The following PRKCI variants were observed in gnomAD, a reference collection of about 807,000 sequenced individuals.
PRKCI encodes protein kinase C iota, also known as protein kinase C iota type.
A neutral mutation model predicts 84.0 loss-of-function variants in PRKCI; 43 were observed. That is an observed-to-expected ratio of 0.51 (90% confidence interval 0.40 to 0.66). The LOEUF (loss-of-function observed/expected upper bound fraction) is 0.66, where lower values mean the gene tolerates loss of function less well. Ranked by LOEUF, PRKCI falls within the 30% of genes least tolerant of loss-of-function variation. The pLI is 0.00. For missense variants in PRKCI, 459 were observed against 745.6 expected (o/e 0.62, Z 4.48); for synonymous variants, 216 against 234.4 (o/e 0.92, Z 0.72).
chr3:170,285,492 C>T (rs964422539), intron 12 of PRKCI, among the ~76,000 whole-genome samples: 1 of 152,154 alleles, frequency 6.6e-6, no homozygotes, highest in Non-Finnish European at 1.5e-5. Context: ...CAAAATTATC[C>T]TCACATAGCA....
At chr3:170,272,581 A>G (rs2108854728) in intron 6 of PRKCI, among the ~76,000 whole-genome samples, 1 of 152,304 alleles carries the variant, frequency 6.6e-6, no homozygotes, top group Non-Finnish European at 1.5e-5. Context: ...GGGCAGGGTT[A>G]GTGATTATAT....
intron 2 of PRKCI, among the ~76,000 whole-genome samples, chr3:170,242,601 A>G (rs1733163208): frequency 6.6e-6 from 1 of 150,864 alleles, no homozygotes; most frequent in South Asian, 2.1e-4. Flanking sequence ...CTTATACATT[A>G]TGAATTATTA....
At chr3:170,234,031 CTT>C (rs386398519) in intron 1 of PRKCI, among the ~76,000 whole-genome samples, 24 of 93,362 alleles carry the variant, frequency 2.6e-4, no homozygotes, top group South Asian at 1.1e-3. Context: ...TATACTTACA[CTT>C]TTTTTTTTTT....
At chr3:170,300,683 A>ATTTTTTTTTTTTTTT in intron 17 of PRKCI, among the ~76,000 whole-genome samples, 1 of 138,338 alleles carries the variant, frequency 7.2e-6, no homozygotes, top group Non-Finnish European at 1.6e-5. Context: ...ATTGTCTTGA[A>ATTTTTTTTTTTTTTT]TTTTTTTTTT....
In PRKCI at chr3:170,297,009, G is replaced by A. The variant is rs111902224; in HGVS notation, c.1498-295G>A. On this transcript the variant is annotated intron_variant, in intron 15 of 17. Coordinates refer to ENST00000295797, the MANE Select transcript of PRKCI (RefSeq NM_002740.6). ...TCACACTAGGTCATGCAAAGAAATGGCTGGGTGCTGTCAAATGATTCTGCT... is the reference window on the plus strand; with the variant it reads ...TCACACTAGGTCATGCAAAGAAATGACTGGGTGCTGTCAAATGATTCTGCT... 5.3e-3 allele frequency among the ~76,000 whole-genome samples: 811 copies of A among 152,272 alleles called. 7 individuals carry two copies. The highest frequency in any genetic ancestry group is 0.019 in the African/African-American group (787 of 41,554).
chr3:170,269,499 C>CA (rs1396242529), intron 5 of PRKCI, among the ~76,000 whole-genome samples: 1 of 151,794 alleles, frequency 6.6e-6, no homozygotes, highest in East Asian at 1.9e-4. Flanking sequence ...CCCATCTCTA[C>CA]AAAAAATACA....
intron 17 of PRKCI, 24 bp from the exon 18 acceptor site, chr3:170,303,016 A>C (rs754448809): frequency 1.3e-6 from 2 of 1,528,188 alleles, no homozygotes; most frequent in South Asian, 2.3e-5. Flanking sequence ...TATGATGAAA[A>C]TAAATTTATT....
At chr3:170,275,324 G>A in intron 8 of PRKCI, 37 bp downstream of exon 8, 2 of 1,562,456 alleles carry the variant, frequency 1.3e-6, no homozygotes, top group Non-Finnish European at 1.7e-6. Context: ...TATATCATTA[G>A]CTTTTTAATA....
Position 170,284,467 on chromosome 3 carries a change from C to T in PRKCI, c.1074C>T (p.Tyr358=). ...RKLPEEHARF[Y]SAEISLALNY... Reference sequence around the variant, plus strand: ...ATTTTTTATTTAATTTTAGATTTTACTCTGCAGAAATCAGTCTAGCATTAA... The same window carrying T: ...ATTTTTTATTTAATTTTAGATTTTATTCTGCAGAAATCAGTCTAGCATTAA... Residue 358 remains tyrosine (Y), a synonymous_variant, in exon 12 of 18, where the codon TAC becomes TAT. Coordinates refer to ENST00000295797, the MANE Select transcript of PRKCI (RefSeq NM_002740.6). 6.4e-7 allele frequency: 1 copy of T among 1,565,436 alleles called. No homozygotes were observed. The highest frequency in any genetic ancestry group is 8.7e-7 in the Non-Finnish European group (1 of 1,147,046).
chr3:170,265,208 A>G (rs1407476759), intron 4 of PRKCI, among the ~76,000 whole-genome samples: 1 of 151,996 alleles, frequency 6.6e-6, no homozygotes, highest in Non-Finnish European at 1.5e-5. Context: ...AAAAAGAAAA[A>G]AACTGCACTC....
chr3:170,290,072 CAA>C (rs34466537), intron 12 of PRKCI, among the ~76,000 whole-genome samples: 16 of 126,418 alleles, frequency 1.3e-4, no homozygotes, highest in Admixed American at 1.6e-4. Context: ...AACTCGGTCT[CAA>C]AAAAAAAAAA....
intron 1 of PRKCI, among the ~76,000 whole-genome samples, chr3:170,227,405 G>A (rs1357862998): frequency 2.0e-5 from 3 of 152,192 alleles, no homozygotes; most frequent in Non-Finnish European, 4.4e-5. Context: ...GGACATATAA[G>A]AGTTACAATA....
chr3:170,293,159 GTT>G (rs558859854), intron 13 of PRKCI, among the ~76,000 whole-genome samples: 1 of 150,844 alleles, frequency 6.6e-6, no homozygotes. Context: ...GAGAAAGAAA[GTT>G]TTTTTTTCTC....
chr3:170,275,330 T>C, intron 8 of PRKCI, 43 bp downstream of exon 8: 1 of 1,559,688 alleles, frequency 6.4e-7, no homozygotes, highest in Non-Finnish European at 8.7e-7. Context: ...ATTAGCTTTT[T>C]AATAAGGCTC....
rs574500845 is a variant in PRKCI, at chr3:170,296,825, T to A, written c.1498-479T>A. 1.6e-4 allele frequency among the ~76,000 whole-genome samples: 24 copies of A among 152,306 alleles called. No individual in the cohort carries two copies. The Middle Eastern group carries it at 0.01, about 65-fold the overall frequency. ...TTCATAGTGATGAATAAGCCAAGACTTTTTATAAGTTGCAGGCTCCTCAGT... is the reference window on the plus strand; with the variant it reads ...TTCATAGTGATGAATAAGCCAAGACATTTTATAAGTTGCAGGCTCCTCAGT... On this transcript the variant is annotated intron_variant, in intron 15 of 17. Transcript: ENST00000295797.
Position 170,222,607 on chromosome 3 carries a change from C to A in PRKCI, c.-63C>A. 7.1e-7 allele frequency: 1 copy of A among 1,410,120 alleles called. No individual in the cohort carries two copies. The highest frequency in any genetic ancestry group is 2.8e-5 in the East Asian group (1 of 35,166). 87.4% of individuals were successfully genotyped at this position (1,410,120 alleles called of 1,614,324 possible). The stretch of plus-strand genomic sequence containing the variant: ...GGCAAGCGCAGGCGGCGGAGTCCCC[C>A]ACGGCGCCCGAAGCGCCCCCCCGCA... On this transcript the variant is annotated 5_prime_UTR_variant, in exon 1 of 18. Transcript: ENST00000295797.
chr3:170,289,125 G>T (rs759280681), intron 12 of PRKCI, among the ~76,000 whole-genome samples: 2 of 152,136 alleles, frequency 1.3e-5, no homozygotes, highest in Non-Finnish European at 2.9e-5. Context: ...GTCAACAAGT[G>T]AATGATTAAG....
chr3:170,256,894 A>C (rs1733595570), intron 2 of PRKCI, among the ~76,000 whole-genome samples: 1 of 151,702 alleles, frequency 6.6e-6, no homozygotes, highest in Admixed American at 6.6e-5. Flanking sequence ...TTTTTCAAGA[A>C]ATTTTTCAAT....
chr3:170,271,245 T>G (rs1025982027), intron 6 of PRKCI, among the ~76,000 whole-genome samples: 1 of 152,102 alleles, frequency 6.6e-6, no homozygotes, highest in African/African-American at 2.4e-5. Context: ...GAACTCCCAT[T>G]TACTAGACAT....
Sources: gnomAD v4.1 joint callset for allele counts (sites outside exome capture counted in the v4.1 genomes callset) on GRCh38, gnomAD v4.1.1 for gene constraint, MANE v1.5 for transcripts, NCBI Gene and HGNC (gene_info 2026-07-23, HGNC 2026-07-21) for gene names.